The following DISC1 variants were observed in gnomAD, a reference collection of about 807,000 sequenced individuals.
DISC1 encodes disrupted in schizophrenia 1 protein.
Under a neutral mutation model 84.5 loss-of-function variants are expected in DISC1, and 57 were observed. The ratio of observed to expected loss-of-function variants is 0.67; its 90% CI spans 0.55 to 0.84. DISC1 has a LOEUF of 0.84. Among genes scored for constraint, DISC1 ranks in the 40% least tolerant of loss-of-function variants. DISC1 has a pLI of 0.00. For synonymous variants in DISC1, 411 were observed against 415.2 expected, an observed-to-expected ratio of 0.99 and a Z score of 0.12; for missense variants, 1,000 against 1,057.8, an observed-to-expected ratio of 0.95 and a Z score of 0.76.
intron 11 of DISC1, among the ~76,000 whole-genome samples, chr1:232,020,198 CT>C (rs1343966400): frequency 6.6e-6 from 1 of 151,978 alleles, no homozygotes; most frequent in Non-Finnish European, 1.5e-5. Context: ...AAAAATTAGC[CT>C]GGCATGGTGG....
At chr1:231,840,697 T>C (rs568904041) in intron 9 of DISC1, among the ~76,000 whole-genome samples, 5 of 131,170 alleles carry the variant, frequency 3.8e-5, no homozygotes. Context: ...TTTTTATTTG[T>C]TTTTTTTTTT....
chr1:231,985,405 A>G (rs1664283161), intron 10 of DISC1, among the ~76,000 whole-genome samples: 1 of 152,020 alleles, frequency 6.6e-6, no homozygotes, highest in African/African-American at 2.4e-5. Context: ...TGCAGACTGA[A>G]TGGTATGAAA....
chr1:232,040,363 T>C lies in DISC1; in HGVS notation c.*3532T>C, dbSNP rs1670734596. On this transcript the variant is annotated 3_prime_UTR_variant, in exon 13 of 13. Transcript: ENST00000439617. ...GTATATACTATTGGAAACTTGTCTT[T>C]CCCTGCAGTAAGGCTGGTTTCCCCA... is the stretch of plus-strand genomic sequence containing the variant. 1 of 152,212 alleles carries C rather than the reference T, an allele frequency of 6.6e-6. No homozygotes were observed. The highest frequency in any genetic ancestry group is 2.4e-5 in the African/African-American group (1 of 41,440). 9.4% of individuals were successfully genotyped at this position (152,212 alleles called of 1,614,324 possible). A position where few individuals can be genotyped will look rare whatever the true frequency, so the allele number is the denominator to read the frequency against.
At chr1:231,876,141 C>A (rs2085870925) in intron 9 of DISC1, among the ~76,000 whole-genome samples, 1 of 152,154 alleles carries the variant, frequency 6.6e-6, no homozygotes, top group Non-Finnish European at 1.5e-5. Context: ...AGGTAGGGAC[C>A]TGGGGGGAAG....
chr1:231,694,814 C>G lies in DISC1; in HGVS notation c.1047+9C>G, dbSNP rs988293061. 1 of 1,612,586 alleles carries G rather than the reference C, an allele frequency of 6.2e-7. No individual in the cohort carries two copies. The highest frequency in any genetic ancestry group is 1.1e-5 in the South Asian group (1 of 90,862). ...ACCGGAGGCAGATGGAGGTCAGTGT[C>G]TCTTCCACCTCTGTGGCCCGAGATT... On this transcript the variant is annotated intron_variant, in intron 2 of 12. Transcript: ENST00000439617.
Position 232,015,475 on chromosome 1 carries a change from A to G in DISC1, c.2307+6426A>G, listed in dbSNP as rs139694845. Among the ~76,000 whole-genome samples, 567 of 152,254 alleles carry G rather than the reference A, an allele frequency of 3.7e-3. 12 individuals carry two copies. Among genetic ancestry groups the G allele is most frequent in the Admixed American group, 0.024 (364 of 15,296 alleles). The stretch of plus-strand genomic sequence containing the variant: ...TTTGTAACAGAGGAGGTGTTATCCA[A>G]TGAATCCTCAGTGGTGTCCTGGGAG... On this transcript the variant is annotated intron_variant, in intron 11 of 12. Transcript: ENST00000439617.
intron 8 of DISC1, among the ~76,000 whole-genome samples, chr1:231,815,901 G>A (rs1358669303): frequency 2.0e-5 from 3 of 152,158 alleles, no homozygotes; most frequent in Non-Finnish European, 4.4e-5. Context: ...TATGGGGCTG[G>A]CTCTCAGGCA....
chr1:231,945,786 C>T (rs1395906945), intron 9 of DISC1, among the ~76,000 whole-genome samples: 1 of 152,076 alleles, frequency 6.6e-6, no homozygotes, highest in African/African-American at 2.4e-5. Flanking sequence ...GGGATATCAC[C>T]ACCTATCCCA....
chr1:231,824,837 A>G (rs896140116), intron 9 of DISC1, among the ~76,000 whole-genome samples: 3 of 152,122 alleles, frequency 2.0e-5, no homozygotes, highest in African/African-American at 4.8e-5. Context: ...GTTGCTTCAT[A>G]TGTAATACTG....
Position 231,774,793 on chromosome 1 carries a change from A to G in DISC1, c.1634+3723A>G, listed in dbSNP as rs1266509840. 6.6e-6 allele frequency: 3 copies of G among 455,730 alleles called. No individual in the cohort carries two copies. The East Asian group carries it at 2.1e-4, about 32-fold the overall frequency. The allele number at this position is 455,730 out of a possible 1,614,324, so 28.2% of individuals were successfully genotyped here. ...AGAAGTGAAGCATTTGAAAGAAACCAGTGTAGAACCAGCTGGCTCAACAGG... is the reference window on the plus strand; with the variant it reads ...AGAAGTGAAGCATTTGAAAGAAACCGGTGTAGAACCAGCTGGCTCAACAGG... On this transcript the variant is annotated intron_variant, in intron 6 of 12. Transcript: ENST00000439617.
intron 9 of DISC1, among the ~76,000 whole-genome samples, chr1:231,852,977 C>G (rs1337646270): frequency 6.6e-6 from 1 of 152,086 alleles, no homozygotes; most frequent in East Asian, 1.9e-4. Context: ...GATTTGGGCC[C>G]AATATTTGAC....
chr1:231,739,716 A>G (rs1237957834), intron 3 of DISC1, among the ~76,000 whole-genome samples: 2 of 152,250 alleles, frequency 1.3e-5, no homozygotes, highest in African/African-American at 4.8e-5. Context: ...AGCATTATTA[A>G]TTGAGTGACA....
At position 231,626,801 on chromosome 1, in the gene DISC1, G is replaced by A; in HGVS notation, c.-67G>A. 1.1e-5 allele frequency: 13 copies of A among 1,222,490 alleles called. No individual in the cohort carries two copies. Among genetic ancestry groups the A allele is most frequent in the Non-Finnish European group, 1.4e-5 (13 of 935,070 alleles). The allele number at this position is 1,222,490 out of a possible 1,614,324, so 75.7% of individuals were successfully genotyped here. ...TCCAGCGCGCTGCTCCCTTCCCCCC[G>A]CCTCTGGCCTCGGGGAAGGAGCAGG... On this transcript the variant is annotated 5_prime_UTR_variant, in exon 1 of 13. Transcript: ENST00000439617.
chr1:231,946,360 A>T (rs540864695), intron 9 of DISC1, among the ~76,000 whole-genome samples: 1 of 152,296 alleles, frequency 6.6e-6, no homozygotes, highest in East Asian at 1.9e-4. Context: ...ATGACAAAAA[A>T]CACATTATTA....
intron 9 of DISC1, among the ~76,000 whole-genome samples, chr1:231,831,199 G>A (rs6674202): frequency 0.24 from 36,895 of 152,094 alleles, 4,768 homozygotes; most frequent in Non-Finnish European, 0.26. Context: ...GGCTTGATGT[G>A]TAGGGAAGGG....
Position 232,009,267 on chromosome 1 carries a change from T to C in DISC1, c.2307+218T>C. 7.4e-7 allele frequency: 1 copy of C among 1,351,172 alleles called. No homozygotes were observed. Among genetic ancestry groups the C allele is most frequent in the Non-Finnish European group, 9.5e-7 (1 of 1,051,510 alleles). The allele number at this position is 1,351,172 out of a possible 1,614,324, so 83.7% of individuals were successfully genotyped here. A position where few individuals can be genotyped will look rare whatever the true frequency, so the allele number is the denominator to read the frequency against. ...GCAAAAAAACCCAACTTTTGGCATA[T>C]TTAGTTCCATTTTCATTCTAATTTA... On this transcript the variant is annotated intron_variant, in intron 11 of 12. Transcript: ENST00000439617. The surrounding 1 kb of genome is among the most constrained non-coding windows in gnomAD (Gnocchi z 4.6).
chr1:231,938,320 G>T (rs2091104627), intron 9 of DISC1, among the ~76,000 whole-genome samples: 1 of 152,176 alleles, frequency 6.6e-6, no homozygotes. Context: ...GGCACAGGAG[G>T]AGCCATGAGG....
At position 231,749,933 on chromosome 1, in the gene DISC1, G is replaced by A. The variant is rs560642465; in HGVS notation, c.1125G>A (p.Thr375=). 1.1e-5 allele frequency: 18 copies of A among 1,614,112 alleles called. No homozygotes were observed. The African/African-American group carries it at 1.2e-4, about 11-fold the overall frequency. The part of the protein sequence containing the change: ...VENDDYDKAE[T]LQQRLEDLEQ... ...ATCATTTTGGGTTTCCAGCTGAGAC[G>A]TTACAACAAAGATTAGAAGACCTGG... Residue 375 remains threonine (T), a synonymous_variant, in exon 4 of 13, where the codon ACG becomes ACA. Transcript: ENST00000439617.
Position 231,789,974 on chromosome 1 carries a change from C to T in DISC1, c.1635-5268C>T, listed in dbSNP as rs6679687. Among the ~76,000 whole-genome samples, 1,481 of 151,946 alleles carry T rather than the reference C, an allele frequency of 9.7e-3. 25 individuals carry two copies. The highest frequency in any genetic ancestry group is 0.034 in the African/African-American group (1,420 of 41,272). On this transcript the variant is annotated intron_variant, in intron 6 of 12. Transcript: ENST00000439617. Reference sequence around the variant, plus strand: ...ATGATTTTTAAAAATCCATAATAATCATTTTTAAAAATCAAAGACATTCTC... The same window carrying T: ...ATGATTTTTAAAAATCCATAATAATTATTTTTAAAAATCAAAGACATTCTC...
Sources: allele counts gnomAD v4.1 joint callset (sites outside exome capture counted in the v4.1 genomes callset), GRCh38; gene constraint gnomAD v4.1.1; non-coding constraint Gnocchi (gnomAD v3.1); transcripts MANE v1.5; gene names NCBI Gene and HGNC (gene_info 2026-07-23, HGNC 2026-07-21).